Variants in CTSS observed in about 807,000 individuals in gnomAD.
The protein encoded by CTSS is cathepsin S.
Under a neutral mutation model 39.9 loss-of-function variants are expected in CTSS, and 15 were observed. The observed-to-expected ratio is 0.38, with a 90% CI of 0.25 to 0.58. The LOEUF (loss-of-function observed/expected upper bound fraction) is 0.58, where lower values mean the gene tolerates loss of function less well. Ranked by LOEUF, CTSS falls within the 20% of genes least tolerant of loss-of-function variation. CTSS has a pLI of 0.70. For missense variants in CTSS, 250 were observed against 398.2 expected (o/e 0.63, Z 3.17); for synonymous variants, 126 against 138.2 (o/e 0.91, Z 0.62).
chr1:150,752,011 A>G lies in CTSS; in HGVS notation c.400-3T>C, dbSNP rs1043450612. The G allele has an allele frequency of 6.2e-7, 1 of 1,613,686 alleles. No individual in the cohort carries two copies. The highest frequency in any genetic ancestry group is 1.1e-5 in the South Asian group (1 of 91,042). Reference sequence around the variant, plus strand: ...GCCCAGCAAGCACCACAAGAACCCTAAAACAGATACAAGGTCACAAACGCA... The same window carrying G: ...GCCCAGCAAGCACCACAAGAACCCTGAAACAGATACAAGGTCACAAACGCA... On this transcript the variant is annotated splice_region_variant and splice_polypyrimidine_tract_variant and intron_variant, in intron 4 of 7. Coordinates refer to ENST00000368985, the MANE Select transcript of CTSS (RefSeq NM_004079.5).
chr1:150,763,990 T>TC (rs1358604125), intron 2 of CTSS, among the ~76,000 whole-genome samples: 4 of 152,032 alleles, frequency 2.6e-5, no homozygotes, highest in African/African-American at 9.7e-5. Flanking sequence ...CGTGAGGCCT[T>TC]CCCTAACCCT....
chr1:150,758,051 CA>C, intron 2 of CTSS, 71 bp from the exon 3 acceptor site: 5 of 1,431,706 alleles, frequency 3.5e-6, no homozygotes, highest in South Asian at 2.6e-5. Flanking sequence ...ATGAAAATGG[CA>C]ATTTTTTTTT....
chr1:150,758,163 C>G (rs1165748468), intron 2 of CTSS, among the ~76,000 whole-genome samples, 183 bp from the exon 3 acceptor site: 1 of 152,038 alleles, frequency 6.6e-6, no homozygotes, highest in Non-Finnish European at 1.5e-5. Context: ...GATTCTCCTG[C>G]TTCAACCTTC....
At position 150,757,946 on chromosome 1, in the gene CTSS, T is replaced by C. The variant is rs1259035392; in HGVS notation, c.161A>G (p.Lys54Arg). 6.8e-6 allele frequency: 11 copies of C among 1,613,794 alleles called. No homozygotes were observed. The highest frequency in any genetic ancestry group is 2.7e-5 in the African/African-American group (2 of 74,926). Residue 54 changes from lysine (K) to arginine (R), a missense_variant, in exon 3 of 8, where the codon AAG (lysine) becomes AGG (arginine). By Grantham distance (26) the Lys-to-Arg change is conservative. Transcript: ENST00000368985. The part of the protein sequence containing the change: ...EEAVRRLIWE[K>R]NLKFVMLHNL... ...GTGAAGCATCACAAACTTTAGATTC[T>C]TTTCCCAGATGAGACGTCGTACTGC...
chr1:150,758,028 T>C, intron 2 of CTSS, 48 bp from the exon 3 acceptor site: 1 of 1,564,648 alleles, frequency 6.4e-7, no homozygotes, highest in Non-Finnish European at 8.7e-7. Flanking sequence ...CCTGGACAAA[T>C]AAGTGTTTGA....
Position 150,733,157 on chromosome 1 carries a change from G to A in CTSS, c.897-12C>T. ...AGTTGTGGCCCCAGCTTTAGAAAAA[G>A]AAATAATACAAAATTACAAATGCGT... is the stretch of plus-strand genomic sequence containing the variant. On this transcript the variant is annotated splice_polypyrimidine_tract_variant and intron_variant, in intron 7 of 7. Transcript: ENST00000368985. 1 of 1,583,320 alleles carries A rather than the reference G, an allele frequency of 6.3e-7. No homozygotes were observed. The highest frequency in any genetic ancestry group is 8.6e-7 in the Non-Finnish European group (1 of 1,156,634).
At chr1:150,764,547 A>C in intron 2 of CTSS, 91 bp downstream of exon 2, 3 of 1,540,222 alleles carry the variant, frequency 1.9e-6, no homozygotes, top group Non-Finnish European at 2.7e-6. Flanking sequence ...TTAAATATTT[A>C]CTGAAAACAC....
At position 150,745,913 on chromosome 1, in the gene CTSS, A is replaced by G. The variant is rs80026546; in HGVS notation, c.896+1864T>C. Among the ~76,000 whole-genome samples the G allele has an allele frequency of 8.0e-3, 1,221 of 152,284 alleles. 9 individuals carry two copies. Among genetic ancestry groups the G allele is most frequent in the Non-Finnish European group, 0.011 (732 of 68,028 alleles). On this transcript the variant is annotated intron_variant, in intron 7 of 7. Coordinates refer to ENST00000368985, the MANE Select transcript of CTSS (RefSeq NM_004079.5). Reference sequence around the variant, plus strand: ...GACTTGATGTATGTGCACATTGTGCAATGATTGACATAATCAAATGAAATA... The same window carrying G: ...GACTTGATGTATGTGCACATTGTGCGATGATTGACATAATCAAATGAAATA...
chr1:150,748,607 G>A (rs1439699293), intron 6 of CTSS, among the ~76,000 whole-genome samples: 3 of 146,718 alleles, frequency 2.0e-5, no homozygotes, highest in Non-Finnish European at 4.5e-5. Flanking sequence ...AAGGAACAGT[G>A]TTTTGCTCTG....
In CTSS at chr1:150,764,744, A is replaced by C; in HGVS notation, c.20T>G (p.Val7Gly). 6.2e-7 allele frequency: 1 copy of C among 1,614,090 alleles called. No individual in the cohort carries two copies. The highest frequency in any genetic ancestry group is 8.5e-7 in the Non-Finnish European group (1 of 1,179,972). The change falls in exon 2 of 8, where the codon GTG becomes GGG. Residue 7 changes from valine to glycine, a missense_variant. Transcript: ENST00000368985. MKRLVCVLLVCSSAVAQ... is the reference protein window; with the variant it reads MKRLVCGLLVCSSAVAQ... Reference sequence around the variant, plus strand: ...CACTGCAGAGGAGCACACCAAGAGCACACAAACCAGCCGTTTCATTCTGTG... The same window carrying C: ...CACTGCAGAGGAGCACACCAAGAGCCCACAAACCAGCCGTTTCATTCTGTG...
chr1:150,742,172 G>A, intron 7 of CTSS, among the ~76,000 whole-genome samples: 1 of 123,822 alleles, frequency 8.1e-6, no homozygotes, highest in Non-Finnish European at 2.0e-5. Context: ...CAGAAGAATT[G>A]CTTGAACCTT....
intron 2 of CTSS, among the ~76,000 whole-genome samples, chr1:150,758,818 G>A (rs1209814605): frequency 6.7e-6 from 1 of 149,736 alleles, no homozygotes; most frequent in Non-Finnish European, 1.5e-5. Flanking sequence ...CCAAAGTCCT[G>A]CGATTATTGG....
In CTSS at chr1:150,732,441, TA is replaced by T. The variant is rs1044951961; in HGVS notation, c.*604del. On this transcript the variant is annotated 3_prime_UTR_variant, in exon 8 of 8. Coordinates refer to ENST00000368985, the MANE Select transcript of CTSS (RefSeq NM_004079.5). ...AAGCCATCAAGTTACAAAAGGCTAT[TA>T]GGGGTCTTAAAAAGACAAAGAGTAT... The T allele has an allele frequency of 6.6e-6, 1 of 152,292 alleles. No homozygotes were observed. Among genetic ancestry groups the T allele is most frequent in the Admixed American group, 6.5e-5 (1 of 15,280 alleles). The allele number at this position is 152,292 out of a possible 1,614,324, so 9.4% of individuals were successfully genotyped here. A position where few individuals can be genotyped will look rare whatever the true frequency, so the allele number is the denominator to read the frequency against.
At chr1:150,759,038 AT>A (rs113057575) in intron 2 of CTSS, among the ~76,000 whole-genome samples, 858 of 72,306 alleles carry the variant, frequency 0.012, 6 homozygotes, top group South Asian at 0.021. Flanking sequence ...TTTTATTATT[AT>A]TTTTTTTTTT....
At chr1:150,749,903 C>T (rs1652975213) in intron 6 of CTSS, 103 bp downstream of exon 6, 1 of 994,718 alleles carries the variant, frequency 1.0e-6, no homozygotes, top group Non-Finnish European at 1.4e-6. Context: ...AATCCTCCCA[C>T]CTCAGCCTCC....
Position 150,741,009 on chromosome 1 carries a change from A to C in CTSS, c.896+6768T>G, listed in dbSNP as rs80104503. Reference sequence around the variant, plus strand: ...GGTTGGACATACTATGTTTAACTTAAATTTTTTTTTGACATAGGGTCCTGC... The same window carrying C: ...GGTTGGACATACTATGTTTAACTTACATTTTTTTTTGACATAGGGTCCTGC... On this transcript the variant is annotated intron_variant, in intron 7 of 7. Transcript: ENST00000368985. Among the ~76,000 whole-genome samples, 341 of 151,728 alleles carry C rather than the reference A, an allele frequency of 2.2e-3. 2 individuals are homozygous for C. The highest frequency in any genetic ancestry group is 7.7e-3 in the African/African-American group (319 of 41,342).
intron 3 of CTSS, among the ~76,000 whole-genome samples, chr1:150,755,495 T>C (rs1489024672): frequency 1.3e-5 from 2 of 152,170 alleles, no homozygotes; most frequent in Non-Finnish European, 2.9e-5. Context: ...ATCCCAGCAC[T>C]TTGGGAGGCC....
chr1:150,757,833 G>A (rs762287523), intron 3 of CTSS, 25 bp downstream of exon 3: 110 of 1,603,382 alleles, frequency 6.9e-5, no homozygotes, highest in Non-Finnish European at 9.2e-5. Flanking sequence ...AGACGTGAAA[G>A]TGGGATTTCT....
chr1:150,755,252 T>G lies in CTSS; in HGVS notation c.250-102A>C. The G allele has an allele frequency of 1.5e-6, 2 of 1,314,036 alleles. 1 individual carries two copies. Among genetic ancestry groups the G allele is most frequent in the South Asian group, 2.6e-5 (2 of 76,642 alleles). 81.4% of individuals were successfully genotyped at this position (1,314,036 alleles called of 1,614,324 possible). On this transcript the variant is annotated intron_variant, in intron 3 of 7. Coordinates refer to ENST00000368985, the MANE Select transcript of CTSS (RefSeq NM_004079.5). ...GTCATTGTGAAAACACCATAGTGTG[T>G]ACTTACACAAACCTAGAGCGTATTG...
Sources: gnomAD v4.1 joint callset for allele counts (sites outside exome capture counted in the v4.1 genomes callset) on GRCh38, gnomAD v4.1.1 for gene constraint, MANE v1.5 for transcripts, NCBI Gene and HGNC (gene_info 2026-07-23, HGNC 2026-07-21) for gene names.